DOCK3: variants seen among roughly 807,000 people sequenced by gnomAD.
DOCK3 encodes dedicator of cytokinesis protein 3.
In DOCK3, 60 loss-of-function variants were observed where a neutral mutation model predicts 265.6. The ratio of observed to expected loss-of-function variants is 0.23; its 90% CI spans 0.18 to 0.28. The LOEUF is 0.28. Ranked by LOEUF, DOCK3 falls within the 10% of genes least tolerant of loss-of-function variation. The probability of loss-of-function intolerance (pLI) is 1.00; values close to 1 mark genes in which losing one functional copy is unlikely to be tolerated. For synonymous variants in DOCK3, 881 were observed against 938.0 expected (o/e 0.94, Z 1.11); for missense variants, 1,981 against 2,594.3 (o/e 0.76, Z 5.14).
chr3:51,049,196 C>A (rs183297008), intron 5 of DOCK3, among the ~76,000 whole-genome samples: 1 of 152,012 alleles, frequency 6.6e-6, no homozygotes, highest in Non-Finnish European at 1.5e-5. Flanking sequence ...CATGGTGATG[C>A]ATGCGTGTAG....
intron 1 of DOCK3, among the ~76,000 whole-genome samples, chr3:50,732,336 A>G (rs1325080680): frequency 2.6e-5 from 4 of 152,014 alleles, no homozygotes; most frequent in African/African-American, 9.7e-5. Context: ...ATGGGTTGAT[A>G]GGTGCAGCAA....
At chr3:50,896,661 G>C (rs1180750410) in intron 4 of DOCK3, among the ~76,000 whole-genome samples, 1 of 152,048 alleles carries the variant, frequency 6.6e-6, no homozygotes, top group Non-Finnish European at 1.5e-5. Context: ...GTTAATATTT[G>C]TATAAGATTC....
intron 33 of DOCK3, among the ~76,000 whole-genome samples, chr3:51,331,220 C>T (rs1560449557): frequency 6.6e-6 from 1 of 152,240 alleles, no homozygotes; most frequent in Admixed American, 6.5e-5. Context: ...GGGGAGTCTC[C>T]CCTATACTAT....
At chr3:50,834,177 T>A (rs2045366572) in intron 2 of DOCK3, among the ~76,000 whole-genome samples, 1 of 151,974 alleles carries the variant, frequency 6.6e-6, no homozygotes, top group South Asian at 2.1e-4. Context: ...ACCAGAAACC[T>A]GCATTCAAGA....
At chr3:51,302,527 C>T (rs1158609951) in intron 27 of DOCK3, among the ~76,000 whole-genome samples, 1 of 151,574 alleles carries the variant, frequency 6.6e-6, no homozygotes. Context: ...TGTCATTGGC[C>T]TTTGTACTTT....
At chr3:50,694,139 G>A (rs548748763) in intron 1 of DOCK3, among the ~76,000 whole-genome samples, 6 of 151,922 alleles carry the variant, frequency 3.9e-5, no homozygotes, top group South Asian at 2.1e-4. Context: ...GCGTGGTGGC[G>A]GGCGCCTGTA....
At chr3:50,956,748 AG>A (rs2076741197) in intron 5 of DOCK3, among the ~76,000 whole-genome samples, 1 of 152,234 alleles carries the variant, frequency 6.6e-6, no homozygotes, top group Non-Finnish European at 1.5e-5. Context: ...TTCGACTCCA[AG>A]GTTTCCATTT....
intron 12 of DOCK3, among the ~76,000 whole-genome samples, chr3:51,167,791 T>C (rs575654736): frequency 6.6e-6 from 1 of 152,318 alleles, no homozygotes; most frequent in South Asian, 2.1e-4. Context: ...TTATGTTGAT[T>C]TTGTCTCCTG....
intron 37 of DOCK3, among the ~76,000 whole-genome samples, chr3:51,340,061 T>C (rs2110077459): frequency 6.6e-6 from 1 of 152,340 alleles, no homozygotes; most frequent in South Asian, 2.1e-4. Context: ...TACCATTCTC[T>C]GCATCCACTT....
intron 4 of DOCK3, among the ~76,000 whole-genome samples, chr3:50,927,426 T>A (rs2050818499): frequency 6.6e-6 from 1 of 152,232 alleles, no homozygotes; most frequent in Admixed American, 6.5e-5. Context: ...AGATTTAGAA[T>A]GTTCTCAATA....
In DOCK3 at chr3:51,048,625, A is replaced by C. The variant is rs914646421; in HGVS notation, c.316-15823A>C. ...CAAACCATCATGAAGCAAAGGTGCC[A>C]TTATCTCAGCCATCCATGTGGGTAG... On this transcript the variant is annotated intron_variant, in intron 5 of 52. Coordinates refer to ENST00000266037, the MANE Select transcript of DOCK3 (RefSeq NM_004947.5). 3.9e-5 allele frequency among the ~76,000 whole-genome samples: 6 copies of C among 152,238 alleles called. No individual in the cohort carries two copies. The South Asian group carries it at 1.0e-3, about 26-fold the overall frequency.
chr3:51,361,252 C>T lies in DOCK3; in HGVS notation c.5007-607C>T, dbSNP rs1395415803. Among the ~76,000 whole-genome samples the T allele has an allele frequency of 2.6e-5, 4 of 152,236 alleles. No homozygotes were observed. Among genetic ancestry groups the T allele is most frequent in the Non-Finnish European group, 5.9e-5 (4 of 68,042 alleles). ...TAGTGAGAGGAGCCCCTCACTTAGG[C>T]TTGTTTTCCAGTGTGAGCAGCAGCT... On this transcript the variant is annotated intron_variant, in intron 47 of 52. Coordinates refer to ENST00000266037, the MANE Select transcript of DOCK3 (RefSeq NM_004947.5). The surrounding 1 kb of genome is among the most constrained non-coding windows in gnomAD (Gnocchi z 4.2).
chr3:51,315,903 C>G (rs1420863189), intron 32 of DOCK3, among the ~76,000 whole-genome samples: 1 of 152,058 alleles, frequency 6.6e-6, no homozygotes, highest in Non-Finnish European at 1.5e-5. Flanking sequence ...TAAGCTCCTT[C>G]CGAGCCTGTG....
At chr3:51,158,690 A>G (rs949877069) in intron 10 of DOCK3, among the ~76,000 whole-genome samples, 19 of 152,256 alleles carry the variant, frequency 1.2e-4, no homozygotes, top group African/African-American at 4.3e-4. Context: ...ATAATTTAGT[A>G]CAAATGATAA....
intron 3 of DOCK3, chr3:50,877,606 G>T (rs539673661): frequency 7.8e-6 from 4 of 511,538 alleles, no homozygotes; most frequent in South Asian, 4.3e-5. Context: ...CAAGACAGTG[G>T]CTTTCTGTAG....
At chr3:51,066,299 T>C (rs1206159914) in intron 6 of DOCK3, among the ~76,000 whole-genome samples, 1 of 152,100 alleles carries the variant, frequency 6.6e-6, no homozygotes, top group African/African-American at 2.4e-5. Flanking sequence ...ACTAAATATT[T>C]ATAATGAATG....
In DOCK3 at chr3:51,298,511, A is replaced by G. The variant is rs1366118029; in HGVS notation, c.2923-11721A>G. ...TTTCCTGCACCTATCAACCCATTAC[A>G]TAGGTATTAAGCCCAGCACGCATTA... On this transcript the variant is annotated intron_variant, in intron 27 of 52. Coordinates refer to ENST00000266037, the MANE Select transcript of DOCK3 (RefSeq NM_004947.5). Among the ~76,000 whole-genome samples, 5 of 152,128 alleles carry G rather than the reference A, an allele frequency of 3.3e-5. No homozygotes were observed. In the East Asian group the frequency reaches 7.7e-4, roughly 23 times the overall value.
At chr3:50,759,058 C>T (rs915018617) in intron 1 of DOCK3, among the ~76,000 whole-genome samples, 2 of 152,102 alleles carry the variant, frequency 1.3e-5, no homozygotes, top group Non-Finnish European at 2.9e-5. Flanking sequence ...TGTATATAAT[C>T]GTGCTAGAAC....
chr3:50,882,873 T>C (rs2048121264), intron 3 of DOCK3, among the ~76,000 whole-genome samples: 1 of 152,120 alleles, frequency 6.6e-6, no homozygotes, highest in South Asian at 2.1e-4. Flanking sequence ...AACCCAAATG[T>C]CCATCAATGA....
Sources: allele counts gnomAD v4.1 joint callset (sites outside exome capture counted in the v4.1 genomes callset), GRCh38; gene constraint gnomAD v4.1.1; non-coding constraint Gnocchi (gnomAD v3.1); transcripts MANE v1.5; gene names NCBI Gene and HGNC (gene_info 2026-07-23, HGNC 2026-07-21).